LRRTM4: variants seen among roughly 807,000 people sequenced by gnomAD.
LRRTM4 encodes the protein leucine rich repeat transmembrane neuronal 4, also known as leucine-rich repeat transmembrane neuronal protein 4.
A neutral mutation model predicts 47.6 loss-of-function variants in LRRTM4; 25 were observed. The ratio of observed to expected loss-of-function variants is 0.53; its 90% CI spans 0.38 to 0.73. The LOEUF (loss-of-function observed/expected upper bound fraction) is 0.73. LRRTM4 is among the 30% of genes least tolerant of loss of function. The pLI, the probability that LRRTM4 is intolerant of heterozygous loss-of-function variation, is 0.00. For synonymous variants in LRRTM4, 311 were observed against 269.5 expected, an observed-to-expected ratio of 1.15 and a Z score of -1.51; for missense variants, 638 against 713.4, an observed-to-expected ratio of 0.89 and a Z score of 1.20.
At chr2:77,304,041 T>C (rs1237216226) in intron 3 of LRRTM4, among the ~76,000 whole-genome samples, 1 of 152,192 alleles carries the variant, frequency 6.6e-6, no homozygotes, top group Non-Finnish European at 1.5e-5. Flanking sequence ...ATACTGGTTT[T>C]CATAATGGCT....
chr2:77,045,360 TG>T (rs1679199394), intron 3 of LRRTM4, among the ~76,000 whole-genome samples: 1 of 151,952 alleles, frequency 6.6e-6, no homozygotes, highest in African/African-American at 2.4e-5. Flanking sequence ...ATTTATCAGC[TG>T]AAGTACTATG....
At chr2:77,240,480 A>G (rs532301238) in intron 3 of LRRTM4, among the ~76,000 whole-genome samples, 1 of 152,130 alleles carries the variant, frequency 6.6e-6, no homozygotes, top group South Asian at 2.1e-4. Context: ...CTATACTAAC[A>G]TACCTAAGAG....
chr2:76,961,320 C>T (rs1227644609), intron 3 of LRRTM4, among the ~76,000 whole-genome samples: 1 of 151,082 alleles, frequency 6.6e-6, no homozygotes. Flanking sequence ...CTTATAATTC[C>T]CAACTGTTAC....
rs6760779 is a variant in LRRTM4 at position 76,959,012 on chromosome 2, C to T, written c.1552-210096G>A. Among the ~76,000 whole-genome samples the T allele has an allele frequency of 1.3e-4, 20 of 151,620 alleles. No homozygotes were observed. The South Asian group carries it at 3.1e-3, about 24-fold the overall frequency. On this transcript the variant is annotated intron_variant, in intron 3 of 3. Coordinates refer to ENST00000409884, the MANE Select transcript of LRRTM4 (RefSeq NM_001134745.3). The stretch of plus-strand genomic sequence containing the variant: ...AAGCAGCCACACGGTCATTGTTTTT[C>T]GGAAAAGGGCCTCCTACCTAGAAAG...
At chr2:76,855,559 G>A (rs1000586541) in intron 3 of LRRTM4, among the ~76,000 whole-genome samples, 1 of 152,062 alleles carries the variant, frequency 6.6e-6, no homozygotes, top group African/African-American at 2.4e-5. Context: ...CTCTTTCTTT[G>A]TCTTCCTCAT....
chr2:76,829,924 A>T (rs1430510865), intron 3 of LRRTM4, among the ~76,000 whole-genome samples: 2 of 152,032 alleles, frequency 1.3e-5, no homozygotes, highest in Non-Finnish European at 2.9e-5. Flanking sequence ...ACATGCATGG[A>T]CATTTAGTTT....
chr2:76,809,335 G>A (rs1259561981), intron 3 of LRRTM4, among the ~76,000 whole-genome samples: 1 of 151,978 alleles, frequency 6.6e-6, no homozygotes, highest in African/African-American at 2.4e-5. Context: ...GGACTTTGAT[G>A]TTTGCAGTCC....
chr2:76,908,370 A>C (rs1228781357), intron 3 of LRRTM4, among the ~76,000 whole-genome samples: 3 of 152,042 alleles, frequency 2.0e-5, no homozygotes, highest in East Asian at 1.9e-4. Context: ...TCTATGACAA[A>C]CCCACAGCCA....
chr2:77,144,638 T>G (rs1197173274), intron 3 of LRRTM4, among the ~76,000 whole-genome samples: 1 of 152,072 alleles, frequency 6.6e-6, no homozygotes, highest in Non-Finnish European at 1.5e-5. Flanking sequence ...CTTCAGAAGG[T>G]CTAACCTTTT....
At chr2:76,808,654 G>A (rs1670635030) in intron 3 of LRRTM4, among the ~76,000 whole-genome samples, 1 of 152,112 alleles carries the variant, frequency 6.6e-6, no homozygotes, top group Admixed American at 6.5e-5. Context: ...GTAAAAACCA[G>A]TATTCTGAAG....
chr2:76,779,261 T>C (rs1674211108), intron 3 of LRRTM4, among the ~76,000 whole-genome samples: 1 of 151,800 alleles, frequency 6.6e-6, no homozygotes. Context: ...GAGAGTTCTG[T>C]AGATGTCTAT....
intron 3 of LRRTM4, among the ~76,000 whole-genome samples, chr2:76,870,611 C>A (rs917007755): frequency 5.3e-5 from 8 of 152,114 alleles, no homozygotes; most frequent in African/African-American, 1.7e-4. Context: ...CAGGCCTATA[C>A]CTTTCCTAAT....
At chr2:77,050,696 C>T (rs943121764) in intron 3 of LRRTM4, among the ~76,000 whole-genome samples, 2 of 152,110 alleles carry the variant, frequency 1.3e-5, no homozygotes, top group Non-Finnish European at 2.9e-5. Flanking sequence ...CATCCTTCAC[C>T]TATTTCTTTT....
intron 3 of LRRTM4, among the ~76,000 whole-genome samples, chr2:77,270,967 A>G (rs777643558): frequency 6.6e-5 from 10 of 152,200 alleles, no homozygotes; most frequent in Non-Finnish European, 1.3e-4. Flanking sequence ...TCTGAGTCCT[A>G]TGAAGACCCC....
chr2:77,194,039 A>G (rs889514235), intron 3 of LRRTM4, among the ~76,000 whole-genome samples: 2 of 152,176 alleles, frequency 1.3e-5, no homozygotes, highest in Non-Finnish European at 2.9e-5. Flanking sequence ...TCCAGTATTC[A>G]GTTATAGTCA....
chr2:77,521,522 T>G, intron 2 of LRRTM4, 146 bp downstream of exon 2: 2 of 815,070 alleles, frequency 2.5e-6, no homozygotes, highest in Non-Finnish European at 4.0e-6. Context: ...AAAAATATAA[T>G]AGCAACTATA....
At chr2:77,005,487 G>A (rs980420391) in intron 3 of LRRTM4, among the ~76,000 whole-genome samples, 3 of 152,234 alleles carry the variant, frequency 2.0e-5, no homozygotes, top group African/African-American at 7.2e-5. Context: ...GGAGGGGCCA[G>A]GGGTGCAATG....
intron 3 of LRRTM4, among the ~76,000 whole-genome samples, chr2:77,507,791 C>T (rs1303659508): frequency 1.3e-5 from 2 of 151,920 alleles, no homozygotes; most frequent in African/African-American, 4.8e-5. Context: ...GAGCAATGCA[C>T]AAAATGGAAT....
intron 3 of LRRTM4, among the ~76,000 whole-genome samples, chr2:77,251,493 A>ATAGG (rs1358468185): frequency 1.1e-4 from 16 of 152,088 alleles, no homozygotes; most frequent in Non-Finnish European, 2.1e-4. Context: ...CAGGGAGAAT[A>ATAGG]TAGGACCTCA....
Sources: allele counts gnomAD v4.1 joint callset (sites outside exome capture counted in the v4.1 genomes callset), GRCh38; gene constraint gnomAD v4.1.1; transcripts MANE v1.5; gene names NCBI Gene and HGNC (gene_info 2026-07-23, HGNC 2026-07-21).